The following NKAIN3 variants were observed in gnomAD, a reference collection of about 807,000 sequenced individuals.
The protein encoded by NKAIN3 is sodium/potassium transporting ATPase interacting 3, also known as sodium/potassium-transporting ATPase subunit beta-1-interacting protein 3.
In NKAIN3, 25 loss-of-function variants were observed where a neutral mutation model predicts 30.2. That is an observed-to-expected ratio of 0.83 (90% CI 0.60 to 1.16). The LOEUF (loss-of-function observed/expected upper bound fraction) is 1.16. Among genes scored for constraint, NKAIN3 ranks in the 50% most tolerant of loss-of-function variants. The probability of loss-of-function intolerance (pLI) is 0.00; values close to 1 mark genes in which losing one functional copy is unlikely to be tolerated. For synonymous variants in NKAIN3, 91 were observed against 89.6 expected, an observed-to-expected ratio of 1.02 and a Z score of -0.09; for missense variants, 225 against 254.1, an observed-to-expected ratio of 0.89 and a Z score of 0.78.
chr8:62,750,599 G>A (rs1052850899), intron 4 of NKAIN3, among the ~76,000 whole-genome samples: 6 of 152,044 alleles, frequency 3.9e-5, no homozygotes, highest in African/African-American at 1.4e-4. Context: ...GGCGGCGGGG[G>A]GTGCCACGTG....
chr8:62,377,226 C>T (rs115233893), intron 1 of NKAIN3, among the ~76,000 whole-genome samples: 4,040 of 152,124 alleles, frequency 0.027, 183 homozygotes, highest in African/African-American at 0.092. Flanking sequence ...AAATTCTTCC[C>T]TCTTTGTTTC....
At chr8:62,922,249 A>G (rs1174345653) in intron 5 of NKAIN3, among the ~76,000 whole-genome samples, 2 of 152,198 alleles carry the variant, frequency 1.3e-5, no homozygotes, top group African/African-American at 4.8e-5. Flanking sequence ...ACTGTCCTGA[A>G]GCTTCCTGCT....
chr8:62,872,871 T>A, intron 4 of NKAIN3, among the ~76,000 whole-genome samples: 1 of 152,042 alleles, frequency 6.6e-6, no homozygotes, highest in Non-Finnish European at 1.5e-5. Flanking sequence ...AAGCACTAAA[T>A]ACGGAAAGGA....
intron 1 of NKAIN3, among the ~76,000 whole-genome samples, chr8:62,285,062 T>A (rs533708338): frequency 1.3e-5 from 2 of 152,156 alleles, no homozygotes; most frequent in Non-Finnish European, 2.9e-5. Context: ...TTTTAGAAAC[T>A]AAAGGGGTAC....
intron 1 of NKAIN3, among the ~76,000 whole-genome samples, chr8:62,368,881 A>G (rs1375077681): frequency 6.6e-6 from 1 of 150,852 alleles, no homozygotes; most frequent in Non-Finnish European, 1.5e-5. Context: ...ATGTATTCCC[A>G]TTGCAATGCC....
rs139857977 is a variant in NKAIN3 at position 62,835,482 on chromosome 8, G to A, written c.472-82971G>A. ...ACTTCTTCAATTCAACAAGCAAAAA[G>A]CAATTCAACAAGCAAAAAACCAGTA... is the stretch of plus-strand genomic sequence containing the variant. On this transcript the variant is annotated intron_variant, in intron 4 of 6. Transcript: ENST00000623646. Among the ~76,000 whole-genome samples the A allele has an allele frequency of 9.3e-4, 141 of 151,388 alleles. 1 individual carries two copies. In the Middle Eastern group the frequency reaches 0.02, roughly 22 times the overall value.
At position 62,528,974 on chromosome 8, in the gene NKAIN3, G is replaced by C. The variant is rs188940617; in HGVS notation, c.55-50565G>C. Among the ~76,000 whole-genome samples the C allele has an allele frequency of 2.6e-5, 4 of 152,262 alleles. No homozygotes were observed. The East Asian group carries it at 7.7e-4, about 29-fold the overall frequency. ...ATAGAAGCTATGTAACTTGAATGAA[G>C]CCATAGGGGTAGAAGCAGAATTATA... On this transcript the variant is annotated intron_variant, in intron 1 of 6. Transcript: ENST00000623646.
intron 1 of NKAIN3, among the ~76,000 whole-genome samples, chr8:62,509,171 G>C (rs748760818): frequency 2.0e-5 from 3 of 152,130 alleles, no homozygotes; most frequent in Non-Finnish European, 2.9e-5. Context: ...TGATCATAGA[G>C]AGTAGGAGAT....
At chr8:62,721,356 C>T (rs1268195551) in intron 3 of NKAIN3, among the ~76,000 whole-genome samples, 1 of 152,150 alleles carries the variant, frequency 6.6e-6, no homozygotes, top group Non-Finnish European at 1.5e-5. Context: ...GAATGTTAAG[C>T]AGGTAAGTGA....
chr8:62,452,059 C>T (rs1805657067), intron 1 of NKAIN3, among the ~76,000 whole-genome samples: 1 of 152,182 alleles, frequency 6.6e-6, no homozygotes, highest in Non-Finnish European at 1.5e-5. Context: ...ATGACTTGCT[C>T]AGAGTGGCTT....
chr8:62,541,872 T>G (rs1004254521), intron 1 of NKAIN3, among the ~76,000 whole-genome samples: 42 of 152,202 alleles, frequency 2.8e-4, no homozygotes, highest in African/African-American at 9.9e-4. Context: ...ATCTTTCTTC[T>G]TTGTTGCTTT....
At chr8:62,989,197 C>T (rs1282155189), downstream of NKAIN3, among the ~76,000 whole-genome samples, 2 of 152,192 alleles carry the variant, frequency 1.3e-5, no homozygotes, top group Non-Finnish European at 2.9e-5. Context: ...CCAAACTGTT[C>T]CACCTGTTAC....
intron 1 of NKAIN3, among the ~76,000 whole-genome samples, chr8:62,346,268 G>T (rs1308858259): frequency 6.6e-6 from 1 of 152,030 alleles, no homozygotes; most frequent in Non-Finnish European, 1.5e-5. Context: ...TGATCGATGT[G>T]TCAATTACCC....
intron 3 of NKAIN3, among the ~76,000 whole-genome samples, chr8:62,610,990 G>A (rs1811271414): frequency 6.6e-6 from 1 of 152,020 alleles, no homozygotes; most frequent in Non-Finnish European, 1.5e-5. Flanking sequence ...AATAGTTGAT[G>A]TACTTCTAAT....
At chr8:62,275,325 T>C (rs957573210) in intron 1 of NKAIN3, among the ~76,000 whole-genome samples, 1 of 152,248 alleles carries the variant, frequency 6.6e-6, no homozygotes, top group South Asian at 2.1e-4. Flanking sequence ...TGGTTTTGAT[T>C]TGCATTTCTC....
intron 1 of NKAIN3, among the ~76,000 whole-genome samples, chr8:62,329,194 C>T (rs150461743): frequency 1.3e-5 from 2 of 152,120 alleles, no homozygotes; most frequent in Non-Finnish European, 2.9e-5. Flanking sequence ...GAGCCAGCAC[C>T]ACCAAGAATA....
chr8:62,408,574 T>C (rs774534878), intron 1 of NKAIN3, among the ~76,000 whole-genome samples: 3 of 152,238 alleles, frequency 2.0e-5, no homozygotes, highest in Non-Finnish European at 4.4e-5. Context: ...TTGTAAACAT[T>C]ATAGACATTT....
At chr8:62,374,662 T>G (rs1401994280) in intron 1 of NKAIN3, among the ~76,000 whole-genome samples, 3 of 152,158 alleles carry the variant, frequency 2.0e-5, no homozygotes, top group Non-Finnish European at 4.4e-5. Context: ...TTAAAGAAAA[T>G]CTTGGCAAAT....
At chr8:62,321,256 A>C (rs1277897372) in intron 1 of NKAIN3, among the ~76,000 whole-genome samples, 1 of 152,118 alleles carries the variant, frequency 6.6e-6, no homozygotes, top group East Asian at 1.9e-4. Context: ...CAAAGTTTTT[A>C]ACTTCTTTGC....
Sources: allele counts gnomAD v4.1 joint callset (sites outside exome capture counted in the v4.1 genomes callset), GRCh38; gene constraint gnomAD v4.1.1; transcripts MANE v1.5; gene names NCBI Gene and HGNC (gene_info 2026-07-23, HGNC 2026-07-21).